SLC2A12: variants seen among roughly 807,000 people sequenced by gnomAD.
The protein encoded by SLC2A12 is solute carrier family 2, facilitated glucose transporter member 12.
SLC2A12 carries 23 observed loss-of-function variants against 41.8 expected under a neutral mutation model. That is an observed-to-expected ratio of 0.55 (90% confidence interval 0.40 to 0.78). The LOEUF (loss-of-function observed/expected upper bound fraction) is 0.78. Ranked by LOEUF, SLC2A12 falls within the 30% of genes least tolerant of loss-of-function variation. SLC2A12 has a pLI of 0.00. For synonymous variants in SLC2A12, 295 were observed against 285.9 expected (o/e 1.03, Z -0.32); for missense variants, 654 against 745.6 (o/e 0.88, Z 1.43).
At position 133,987,850 on chromosome 6, in the gene SLC2A12, G is replaced by T. The variant is rs544713083; in HGVS notation, c.*3305C>A. ...TATGATAGAAAATGTTAAATAACTT[G>T]TAAAGGTTAAGAAATTGTAGTTTTA... On this transcript the variant is annotated 3_prime_UTR_variant, in exon 5 of 5. Coordinates refer to ENST00000275230, the MANE Select transcript of SLC2A12 (RefSeq NM_145176.3). The T allele has an allele frequency of 1.1e-4, 17 of 152,512 alleles. No individual in the cohort carries two copies. Among genetic ancestry groups the T allele is most frequent in the African/African-American group, 4.1e-4 (17 of 41,500 alleles). The allele number at this position is 152,512 out of a possible 1,614,324, so 9.4% of individuals were successfully genotyped here. A position where few individuals can be genotyped will look rare whatever the true frequency, so the allele number is the denominator to read the frequency against.
At chr6:134,002,769 A>G (rs550726888) in intron 3 of SLC2A12, among the ~76,000 whole-genome samples, 2 of 152,340 alleles carry the variant, frequency 1.3e-5, no homozygotes, top group South Asian at 4.1e-4. Flanking sequence ...AAAAGTGATC[A>G]TGGATCCAGT....
At chr6:134,038,486 C>T (rs9493802) in intron 1 of SLC2A12, among the ~76,000 whole-genome samples, 5,271 of 148,690 alleles carry the variant, frequency 0.035, 308 homozygotes, top group African/African-American at 0.12. Context: ...CTCAGCCATC[C>T]GAATAGCTGG....
At chr6:134,008,573 G>A (rs993656715) in intron 2 of SLC2A12, among the ~76,000 whole-genome samples, 3 of 152,200 alleles carry the variant, frequency 2.0e-5, no homozygotes, top group Admixed American at 2.0e-4. Flanking sequence ...TATATCGTTG[G>A]TGGAATCGCT....
intron 1 of SLC2A12, among the ~76,000 whole-genome samples, chr6:134,035,523 C>T (rs1045874638): frequency 6.6e-6 from 1 of 152,176 alleles, no homozygotes; most frequent in Non-Finnish European, 1.5e-5. Flanking sequence ...TTCTACACGC[C>T]CATCCTTTCT....
At chr6:133,992,608 T>C (rs1369447000) in intron 4 of SLC2A12, among the ~76,000 whole-genome samples, 4 of 152,124 alleles carry the variant, frequency 2.6e-5, no homozygotes, top group South Asian at 2.1e-4. Context: ...AAGAGTTGAC[T>C]TGGTCAGAGT....
chr6:134,049,662 T>A (rs1487991338), intron 1 of SLC2A12, among the ~76,000 whole-genome samples: 1 of 151,720 alleles, frequency 6.6e-6, no homozygotes, highest in South Asian at 2.1e-4. Context: ...GCTGAAAAAA[T>A]TTACTAAAAA....
intron 2 of SLC2A12, among the ~76,000 whole-genome samples, chr6:134,024,671 T>C (rs1163170078): frequency 6.6e-6 from 1 of 152,256 alleles, no homozygotes; most frequent in African/African-American, 2.4e-5. Context: ...TAGTAAATGA[T>C]GATGAGATTT....
At chr6:134,031,663 G>C (rs180850424) in intron 1 of SLC2A12, among the ~76,000 whole-genome samples, 1 of 152,296 alleles carries the variant, frequency 6.6e-6, no homozygotes, top group East Asian at 1.9e-4. Context: ...GTTGTGAGTG[G>C]TGATAAGAGG....
chr6:134,024,223 A>C (rs1564774), intron 2 of SLC2A12, among the ~76,000 whole-genome samples: 31,138 of 152,140 alleles, frequency 0.2, 3,393 homozygotes, highest in East Asian at 0.42. Flanking sequence ...GAAAGACATG[A>C]GTGCTGCAGT....
chr6:134,003,478 A>G lies in SLC2A12; in HGVS notation c.1568-1349T>C, dbSNP rs79889049. ...CACGAAGCCTCTTACTGCCCTGTGA[A>G]ATAGTTGCGTCTGCTAAAAAGTTAT... On this transcript the variant is annotated intron_variant, in intron 3 of 4. Coordinates refer to ENST00000275230, the MANE Select transcript of SLC2A12 (RefSeq NM_145176.3). Among the ~76,000 whole-genome samples, 1,181 of 152,298 alleles carry G rather than the reference A, an allele frequency of 7.8e-3. 18 individuals are homozygous for G. The highest frequency in any genetic ancestry group is 0.027 in the African/African-American group (1,128 of 41,570).
intron 1 of SLC2A12, among the ~76,000 whole-genome samples, chr6:134,040,818 A>G (rs1026267840): frequency 6.6e-6 from 1 of 152,204 alleles, no homozygotes; most frequent in African/African-American, 2.4e-5. Flanking sequence ...GAGATTGACA[A>G]GTGCATGTCT....
At chr6:134,001,021 A>T (rs747441600) in intron 4 of SLC2A12, among the ~76,000 whole-genome samples, 1 of 152,148 alleles carries the variant, frequency 6.6e-6, no homozygotes, top group Non-Finnish European at 1.5e-5. Context: ...AACATGGTAT[A>T]TCTACACTTC....
intron 1 of SLC2A12, among the ~76,000 whole-genome samples, chr6:134,047,486 G>A (rs1777473857): frequency 6.6e-6 from 1 of 152,032 alleles, no homozygotes; most frequent in Admixed American, 6.5e-5. Flanking sequence ...TTTCAAGTTG[G>A]TGGATTCATC....
chr6:134,026,666 G>A (rs1777116551), intron 2 of SLC2A12, among the ~76,000 whole-genome samples: 1 of 152,208 alleles, frequency 6.6e-6, no homozygotes, highest in Non-Finnish European at 1.5e-5. Flanking sequence ...AGGTTCAGGA[G>A]CAGGTCTGAG....
rs1777148963 is a variant in SLC2A12, at chr6:134,028,663, C to T, written c.1162G>A (p.Glu388Lys). The T allele has an allele frequency of 1.2e-6, 2 of 1,614,212 alleles. No individual in the cohort carries two copies. Among genetic ancestry groups the T allele is most frequent in the Non-Finnish European group, 1.7e-6 (2 of 1,180,034 alleles). The change falls in exon 2 of 5, where the codon GAG becomes AAG. Residue 388 changes from glutamate to lysine, a missense_variant. By Grantham distance (56) the Glu-to-Lys change is moderately conservative (BLOSUM62 1). Transcript: ENST00000275230. ...SHNSINQSLD[E>K]SVIYGPGNLS... is the part of the protein sequence containing the mutation. ...TTTCCTGGTCCATAAATCACAGACT[C>T]ATCCAAGGACTGGTTGATAGAATTG... is the stretch of plus-strand genomic sequence containing the variant.
At chr6:134,003,749 T>G (rs1016957154) in intron 3 of SLC2A12, among the ~76,000 whole-genome samples, 7 of 152,214 alleles carry the variant, frequency 4.6e-5, no homozygotes, top group African/African-American at 1.7e-4. Flanking sequence ...CACACTGCAA[T>G]TTTTAAATGG....
At chr6:134,005,620 A>G (rs1448545204) in intron 3 of SLC2A12, among the ~76,000 whole-genome samples, 6 of 129,366 alleles carry the variant, frequency 4.6e-5, no homozygotes, top group Non-Finnish European at 7.8e-5. Context: ...AGATCACACC[A>G]CTGCACTCCA....
chr6:134,004,166 A>G (rs1039891124), intron 3 of SLC2A12, among the ~76,000 whole-genome samples: 1 of 152,102 alleles, frequency 6.6e-6, no homozygotes, highest in Non-Finnish European at 1.5e-5. Flanking sequence ...TCCATCCCTC[A>G]TCAATTCCAT....
intron 2 of SLC2A12, among the ~76,000 whole-genome samples, chr6:134,026,032 C>T (rs1777108300): frequency 6.6e-6 from 1 of 152,184 alleles, no homozygotes; most frequent in Non-Finnish European, 1.5e-5. Context: ...TAGGTTGGTT[C>T]AGGAGGCCTA....
Sources: gnomAD v4.1 joint callset for allele counts (sites outside exome capture counted in the v4.1 genomes callset) on GRCh38, gnomAD v4.1.1 for gene constraint, MANE v1.5 for transcripts, NCBI Gene and HGNC (gene_info 2026-07-23, HGNC 2026-07-21) for gene names.